BTBD3: variants seen among roughly 807,000 people sequenced by gnomAD.
BTBD3 encodes the protein BTB/POZ domain-containing protein 3.
Under a neutral mutation model 41.6 loss-of-function variants are expected in BTBD3, and 14 were observed. That is an observed-to-expected ratio of 0.34 (90% confidence interval 0.22 to 0.53). The LOEUF (loss-of-function observed/expected upper bound fraction) is 0.53, where lower values mean the gene tolerates loss of function less well. Ranked by LOEUF, BTBD3 falls within the 20% of genes least tolerant of loss-of-function variation. The pLI is 0.95. For synonymous variants in BTBD3, 249 were observed against 233.7 expected, an observed-to-expected ratio of 1.07 and a Z score of -0.60; for missense variants, 426 against 654.7, an observed-to-expected ratio of 0.65 and a Z score of 3.81.
chr20:11,908,729 A>G (rs1409836987), intron 1 of BTBD3, among the ~76,000 whole-genome samples: 1 of 152,098 alleles, frequency 6.6e-6, no homozygotes, highest in Non-Finnish European at 1.5e-5. Flanking sequence ...CTAGGTATGG[A>G]ACCTCAATTT....
intron 2 of BTBD3, 52 bp downstream of exon 2, chr20:11,919,228 C>T (rs1215690046): frequency 6.5e-7 from 1 of 1,533,760 alleles, no homozygotes; most frequent in Admixed American, 1.8e-5. Context: ...AAAGAGGGAC[C>T]CTTTCCATAA....
chr20:11,923,371 A>G lies in BTBD3; in HGVS notation c.1274A>G (p.Lys425Arg), dbSNP rs142793480. The change falls in exon 4 of 4, where the codon AAG becomes AGG. Residue 425 changes from lysine to arginine, a missense_variant. Lys to Arg is a conservative substitution (Grantham distance 26). This residue lies in a region of BTBD3 where 321 missense variants were observed against 534.8 expected (regional missense o/e 0.60). Coordinates refer to ENST00000378226, the MANE Select transcript of BTBD3 (RefSeq NM_014962.4). This position sits in a 1 kb window ranked among gnomAD's most constrained non-coding sequence, Gnocchi z 5.3. ...SSCGSAEYSA[K>R]IELKRQGVVL... ...TGTGGTTCTGCAGAATACAGTGCCA[A>G]GATTGAACTTAAGCGGCAGGGCGTT... 2.1e-4 allele frequency: 338 copies of G among 1,614,204 alleles called. 3 individuals are homozygous for G. In the Admixed American group the frequency reaches 5.0e-3, roughly 24 times the overall value.
intron 1 of BTBD3, chr20:11,891,017 C>G (rs2056748016): frequency 1.0e-6 from 1 of 971,252 alleles, no homozygotes. Context: ...GCGGGACCGC[C>G]CGGGCAGGGG....
intron 1 of BTBD3, among the ~76,000 whole-genome samples, chr20:11,897,892 T>C (rs1282929555): frequency 6.6e-6 from 1 of 152,162 alleles, no homozygotes; most frequent in East Asian, 1.9e-4. Context: ...GGCATGGTGG[T>C]TCACGCCTGT....
intron 1 of BTBD3, among the ~76,000 whole-genome samples, chr20:11,891,138 C>T (rs1433208652): frequency 6.7e-6 from 1 of 148,450 alleles, no homozygotes; most frequent in Non-Finnish European, 1.5e-5. Context: ...ATCCGTCCCC[C>T]GGGCTCGAGA....
rs754164483 is a variant in BTBD3, at chr20:11,924,317, A to C, written c.*651A>C. On this transcript the variant is annotated 3_prime_UTR_variant, in exon 4 of 4. Transcript: ENST00000378226. Reference sequence around the variant, plus strand: ...GGCATTTGTTTAGGCCATGACTTCTACAAGCAGATTTCTTTTCTTTTAGTT... The same window carrying C: ...GGCATTTGTTTAGGCCATGACTTCTCCAAGCAGATTTCTTTTCTTTTAGTT... The C allele has an allele frequency of 1.3e-5, 2 of 152,230 alleles. No homozygotes were observed. Among genetic ancestry groups the C allele is most frequent in the Non-Finnish European group, 2.9e-5 (2 of 68,032 alleles). 9.4% of individuals were successfully genotyped at this position (152,230 alleles called of 1,614,324 possible). A position where few individuals can be genotyped will look rare whatever the true frequency, so the allele number is the denominator to read the frequency against.
At chr20:11,908,321 GTT>G (rs3834758) in intron 1 of BTBD3, among the ~76,000 whole-genome samples, 4 of 77,070 alleles carry the variant, frequency 5.2e-5, no homozygotes, top group Admixed American at 1.8e-4. Context: ...CTTCTCTGTG[GTT>G]TTTTTTTTTT....
chr20:11,910,431 G>GC lies in BTBD3; in HGVS notation c.-125-7899dup, dbSNP rs557137790. ...TTGATTGAAGTCCTTTGTTGGAACA[G>GC]CCCCATTCAGGCCTTTTTGAAAGGG... is the stretch of plus-strand genomic sequence containing the variant. On this transcript the variant is annotated intron_variant, in intron 1 of 4. Transcript: ENST00000254977. The GC allele has an allele frequency of 2.9e-3, 439 of 152,238 alleles. 2 individuals carry two copies. Among genetic ancestry groups the GC allele is most frequent in the African/African-American group, 9.4e-3 (389 of 41,554 alleles). 9.4% of individuals were successfully genotyped at this position (152,238 alleles called of 1,614,324 possible). A position where few individuals can be genotyped will look rare whatever the true frequency, so the allele number is the denominator to read the frequency against.
upstream of BTBD3, among the ~76,000 whole-genome samples, chr20:11,914,718 C>T (rs973659879): frequency 6.6e-6 from 1 of 151,870 alleles, no homozygotes; most frequent in African/African-American, 2.4e-5. Context: ...AAACTGTGGT[C>T]ATGAGATCAG....
At chr20:11,906,253 C>CTTTTTTTTTT (rs1568610658) in intron 1 of BTBD3, among the ~76,000 whole-genome samples, 1 of 37,348 alleles carries the variant, frequency 2.7e-5, no homozygotes, top group African/African-American at 8.1e-5. Flanking sequence ...TATTATTACT[C>CTTTTTTTTTT]CTTTTTTTTT....
chr20:11,892,617 A>G (rs2122148600), intron 1 of BTBD3: 1 of 152,308 alleles, frequency 6.6e-6, no homozygotes. Flanking sequence ...GTTGTATGGG[A>G]TGATAATTAC....
chr20:11,916,800 A>G (rs1600242915), upstream of BTBD3, among the ~76,000 whole-genome samples: 1 of 152,314 alleles, frequency 6.6e-6, no homozygotes, highest in East Asian at 1.9e-4. Flanking sequence ...CTTTGAACAA[A>G]TGAGCGTGAT....
intron 1 of BTBD3, among the ~76,000 whole-genome samples, chr20:11,908,321 G>GTTTTTTT (rs3834758): frequency 0.26 from 19,815 of 75,408 alleles, 4,181 homozygotes; most frequent in Non-Finnish European, 0.33. Context: ...CTTCTCTGTG[G>GTTTTTTT]TTTTTTTTTT....
At chr20:11,917,197 A>G (rs1041423011), upstream of BTBD3, among the ~76,000 whole-genome samples, 2 of 152,096 alleles carry the variant, frequency 1.3e-5, no homozygotes, top group African/African-American at 2.4e-5. Flanking sequence ...TTGAACATTG[A>G]TCATCAGATT....
intron 1 of BTBD3, among the ~76,000 whole-genome samples, chr20:11,893,073 A>G (rs2056766028): frequency 6.9e-6 from 1 of 144,972 alleles, no homozygotes; most frequent in Non-Finnish European, 1.5e-5. Flanking sequence ...TTTTTTTTTT[A>G]ATGCTCAAAA....
rs1051570478 is a variant in BTBD3 at position 11,907,354 on chromosome 20, G to A, written c.-125-10980G>A. On this transcript the variant is annotated intron_variant, in intron 1 of 4. Transcript: ENST00000254977. ...TTCAGGTTCTTTTCCACTCTACCTA[G>A]TCTAAGCTTGCATCTCAGTCAACTA... Among the ~76,000 whole-genome samples, 5 of 152,302 alleles carry A rather than the reference G, an allele frequency of 3.3e-5. No homozygotes were observed. The East Asian group carries it at 9.7e-4, about 29-fold the overall frequency.
At chr20:11,900,087 G>C (rs1337702841) in intron 1 of BTBD3, among the ~76,000 whole-genome samples, 1 of 152,120 alleles carries the variant, frequency 6.6e-6, no homozygotes, top group Admixed American at 6.5e-5. Context: ...ATTTAATTAG[G>C]TGTAAACATT....
intron 1 of BTBD3, among the ~76,000 whole-genome samples, chr20:11,896,530 A>G (rs192819290): frequency 2.0e-5 from 3 of 152,354 alleles, no homozygotes; most frequent in Admixed American, 1.3e-4. Context: ...ATCGAATAGT[A>G]ATGGTGATAA....
chr20:11,910,064 T>G (rs2056879941), intron 1 of BTBD3: 1 of 152,114 alleles, frequency 6.6e-6, no homozygotes, highest in African/African-American at 2.4e-5. Context: ...ATCTGGTGAT[T>G]TGGGAGTTGT....
Sources: gnomAD v4.1 joint callset for allele counts (sites outside exome capture counted in the v4.1 genomes callset) on GRCh38, gnomAD v4.1.1 for gene constraint, gnomAD v4.1.1 regional missense constraint, Gnocchi (gnomAD v3.1) non-coding constraint, MANE v1.5 for transcripts, NCBI Gene and HGNC (gene_info 2026-07-23, HGNC 2026-07-21) for gene names.